The following WHRN variants were observed in gnomAD, a reference collection of about 807,000 sequenced individuals.
WHRN encodes the protein CASK-interacting protein CIP98.
WHRN carries 41 observed loss-of-function variants against 68.3 expected under a neutral mutation model. The observed-to-expected ratio is 0.60, with a 90% confidence interval of 0.47 to 0.78. The LOEUF (loss-of-function observed/expected upper bound fraction) is 0.78. Among genes scored for constraint, WHRN ranks in the 30% least tolerant of loss-of-function variants. The probability of loss-of-function intolerance (pLI) is 0.00; values close to 1 mark genes in which losing one functional copy is unlikely to be tolerated. For missense variants in WHRN, 1,243 were observed against 1,244.7 expected, an observed-to-expected ratio of 1.00 and a Z score of 0.02; for synonymous variants, 560 against 561.3, an observed-to-expected ratio of 1.00 and a Z score of 0.03.
At position 114,460,721 on chromosome 9, in the gene WHRN, G is replaced by A. The variant is rs533628956; in HGVS notation, c.963+5546C>T. On this transcript the variant is annotated intron_variant, in intron 3 of 11. Transcript: ENST00000362057. ...GGGCAGTGCCGTCCTGACATCCCCC[G>A]CCCCAGACTCAAACCAGGCCCTTCA... Among the ~76,000 whole-genome samples, 4 of 152,226 alleles carry A rather than the reference G, an allele frequency of 2.6e-5. No individual in the cohort carries two copies. The East Asian group carries it at 5.8e-4, about 22-fold the overall frequency.
chr9:114,463,782 G>C (rs1840438918), intron 3 of WHRN, among the ~76,000 whole-genome samples: 2 of 152,154 alleles, frequency 1.3e-5, no homozygotes. Flanking sequence ...CCTGCTAAAA[G>C]CAAAGCAAGC....
At chr9:114,425,346 C>T (rs1260498594) in intron 4 of WHRN, 3 of 604,260 alleles carry the variant, frequency 5.0e-6, no homozygotes, top group Non-Finnish European at 5.9e-6. Flanking sequence ...TGACAGGCAA[C>T]CTCAGGGTCA....
rs575801905 is a variant in WHRN, at chr9:114,456,138, TA to T, written c.963+10128del. Reference sequence around the variant, plus strand: ...TGAGAATGTGTAAAAAAAAAAACTCTAAAAAAAAAAAAACATCTCCAAATGG... The same window carrying T: ...TGAGAATGTGTAAAAAAAAAAACTCTAAAAAAAAAAAACATCTCCAAATGG... On this transcript the variant is annotated intron_variant, in intron 3 of 11. Transcript: ENST00000362057. Among the ~76,000 whole-genome samples the T allele has an allele frequency of 3.3e-3, 173 of 52,780 alleles. 5 individuals are homozygous for T. In the South Asian group the frequency reaches 0.13, roughly 39 times the overall value. The allele number at this position is 52,780 out of a possible 152,430, so 34.6% of individuals were successfully genotyped here. A position where few individuals can be genotyped will look rare whatever the true frequency, so the allele number is the denominator to read the frequency against.
At chr9:114,466,489 A>G in intron 2 of WHRN, 97 bp from the exon 3 acceptor site, 3 of 1,560,340 alleles carry the variant, frequency 1.9e-6, no homozygotes, top group Admixed American at 1.7e-5. Context: ...TGAAGAGCGC[A>G]TCTTATCCGA....
At chr9:114,493,092 G>A (rs530503487) in intron 1 of WHRN, among the ~76,000 whole-genome samples, 11 of 152,262 alleles carry the variant, frequency 7.2e-5, no homozygotes, top group Non-Finnish European at 1.0e-4. Context: ...GCTCACGCCT[G>A]TAATCCCAGT....
In WHRN at chr9:114,426,345, C is replaced by T. The variant is rs1836858360; in HGVS notation, c.1032G>A (p.Arg344=). 6.2e-7 allele frequency: 1 copy of T among 1,614,100 alleles called. No homozygotes were observed. The highest frequency in any genetic ancestry group is 1.1e-5 in the South Asian group (1 of 91,086). ...TGAGGTGCCGAGATGACTTAAGCAGCCTGACAGCCTCGTCGTGTAGGATGT... is the reference window on the plus strand; with the variant it reads ...TGAGGTGCCGAGATGACTTAAGCAGTCTGACAGCCTCGTCGTGTAGGATGT... ...FLNILHDEAV[R]LLKSSRHLIL... is the part of the protein sequence containing the mutation. The change falls in exon 4 of 12, where the codon AGG becomes AGA. Residue 344 remains arginine, a synonymous_variant. Coordinates refer to ENST00000362057, the MANE Select transcript of WHRN (RefSeq NM_015404.4).
Position 114,413,780 on chromosome 9 carries a change from A to C in WHRN, c.1627-5762T>G, listed in dbSNP as rs147022926. Among the ~76,000 whole-genome samples, 422 of 152,254 alleles carry C rather than the reference A, an allele frequency of 2.8e-3. 2 individuals carry two copies. The highest frequency in any genetic ancestry group is 9.9e-3 in the African/African-American group (410 of 41,524). ...TATCATATTTGACCACCAAATCACA[A>C]CATTAGGGAGCTCTCTGGGAAGCTT... On this transcript the variant is annotated intron_variant, in intron 7 of 11. Coordinates refer to ENST00000362057, the MANE Select transcript of WHRN (RefSeq NM_015404.4).
intron 3 of WHRN, among the ~76,000 whole-genome samples, chr9:114,434,162 C>T (rs562474142): frequency 1.4e-4 from 21 of 152,276 alleles, no homozygotes; most frequent in African/African-American, 4.8e-4. Flanking sequence ...CTTGCTTAGG[C>T]CAGCTACCTT....
At position 114,426,272 on chromosome 9, in the gene WHRN, C is replaced by T; in HGVS notation, c.1105G>A (p.Val369Met). The T allele has an allele frequency of 3.1e-6, 5 of 1,613,248 alleles. No homozygotes were observed. In the South Asian group the frequency reaches 5.5e-5, roughly 18 times the overall value. Residue 369 changes from valine (V) to methionine (M), a missense_variant, in exon 4 of 12, where the codon GTG becomes ATG. Val to Met is a conservative substitution (Grantham distance 21). Coordinates refer to ENST00000362057, the MANE Select transcript of WHRN (RefSeq NM_015404.4). ...VGRLPHARTT[V>M]DETKWIASSR... ...CTGGCGATCCACTTGGTCTCGTCCA[C>T]AGTGGTGCGGGCATGGGGCAGCCTC...
rs1835028037 is a variant in WHRN at position 114,406,387 on chromosome 9, A to AC, written c.2203dup (p.Val735GlyfsTer3). ...CTGGGGCAGCGCCCTCACTTCATTG[A>AC]CGTCTGGCTCGCTGTCGGGGCGGTG... On this transcript the variant is annotated frameshift_variant, in exon 9 of 12. Coordinates refer to ENST00000362057, the MANE Select transcript of WHRN (RefSeq NM_015404.4). LOFTEE classifies it high-confidence loss of function. 6.2e-7 allele frequency: 1 copy of AC among 1,613,930 alleles called. No individual in the cohort carries two copies.
rs1837241547 is a variant in WHRN, at chr9:114,429,752, CT to C, written c.964-3340del. Among the ~76,000 whole-genome samples, 7 of 152,316 alleles carry C rather than the reference CT, an allele frequency of 4.6e-5. No individual in the cohort carries two copies. In the South Asian group the frequency reaches 1.4e-3, roughly 32 times the overall value. ...GCCCTTCCCTATCTCGCCTCTGCAG[CT>C]CCCTCCTCCCCTCTCTCTCCCAGCT... On this transcript the variant is annotated intron_variant, in intron 3 of 11. Transcript: ENST00000362057.
chr9:114,408,078 G>C, intron 7 of WHRN, 60 bp from the exon 8 acceptor site: 2 of 1,422,230 alleles, frequency 1.4e-6, no homozygotes, highest in South Asian at 2.4e-5. Flanking sequence ...ACACTGGTTT[G>C]TTCTCCAGCA....
At chr9:114,489,297 T>G (rs955180913) in intron 1 of WHRN, among the ~76,000 whole-genome samples, 10 of 152,316 alleles carry the variant, frequency 6.6e-5, no homozygotes, top group African/African-American at 2.4e-4. Flanking sequence ...TGCTTTCTTC[T>G]TGGAATTGAA....
intron 2 of WHRN, among the ~76,000 whole-genome samples, chr9:114,472,681 T>A (rs997237834): frequency 2.0e-5 from 3 of 152,190 alleles, no homozygotes; most frequent in Non-Finnish European, 2.9e-5. Context: ...TCTTTGTCTG[T>A]TCACTGCTGT....
rs777908643 is a variant in WHRN, at chr9:114,424,416, T to C, written c.1334A>G (p.Tyr445Cys). ...GCTGCCACCACGGTACTCATCCAGG[T>C]AGTAGGCCATGGTGGCGTGTTCCTG... ...NEQEHATMAY[Y>C]LDEYRGGSVS... The change falls in exon 6 of 12, where the codon TAC (tyrosine) becomes TGC (cysteine). Residue 445 changes from tyrosine (Y) to cysteine (C), a missense_variant. By Grantham distance (194) the Tyr-to-Cys change is radical (BLOSUM62 -2). Transcript: ENST00000362057. The C allele has an allele frequency of 3.7e-6, 6 of 1,613,168 alleles. No individual in the cohort carries two copies. The highest frequency in any genetic ancestry group is 5.1e-6 in the Non-Finnish European group (6 of 1,179,994).
chr9:114,431,376 A>G (rs1837406947), intron 3 of WHRN, among the ~76,000 whole-genome samples: 1 of 152,240 alleles, frequency 6.6e-6, no homozygotes, highest in African/African-American at 2.4e-5. Context: ...TACAGGAGAC[A>G]GGTTCAGAGA....
Position 114,406,759 on chromosome 9 carries a change from G to T in WHRN, c.1832C>A (p.Ser611Tyr). ...AGTGCCCGAGCAGGAAGGCATGGAG[G>T]AAGGTGGCTGGAGGTCCTCTCTCCC... is the stretch of plus-strand genomic sequence containing the variant. ...KLGREDLQPPSSMPSCSGTVF... is the reference protein window; with the variant it reads ...KLGREDLQPPYSMPSCSGTVF... The change falls in exon 9 of 12, where the codon TCC (serine) becomes TAC (tyrosine). Residue 611 changes from serine (S) to tyrosine (Y), a missense_variant. Coordinates refer to ENST00000362057, the MANE Select transcript of WHRN (RefSeq NM_015404.4). The T allele has an allele frequency of 6.2e-7, 1 of 1,614,164 alleles. No individual in the cohort carries two copies. The highest frequency in any genetic ancestry group is 8.5e-7 in the Non-Finnish European group (1 of 1,179,998).
At chr9:114,459,057 C>T (rs1372934113) in intron 3 of WHRN, among the ~76,000 whole-genome samples, 1 of 152,212 alleles carries the variant, frequency 6.6e-6, no homozygotes, top group Non-Finnish European at 1.5e-5. Context: ...CAGAACCTCC[C>T]TTGGGCAGGG....
Position 114,480,084 on chromosome 9 carries a change from TA to T in WHRN, c.619-1314del, listed in dbSNP as rs113073044. Among the ~76,000 whole-genome samples, 138 of 151,296 alleles carry T rather than the reference TA, an allele frequency of 9.1e-4. 4 individuals carry two copies. Among genetic ancestry groups the T allele is most frequent in the African/African-American group, 3.0e-3 (124 of 41,236 alleles). ...TCTCAAAAAAATAGTAATAATTAATTAAAAAAAAAGAAGTTCCTTTTTTATA... is the reference window on the plus strand; with the variant it reads ...TCTCAAAAAAATAGTAATAATTAATTAAAAAAAAGAAGTTCCTTTTTTATA... On this transcript the variant is annotated intron_variant, in intron 1 of 11. Coordinates refer to ENST00000362057, the MANE Select transcript of WHRN (RefSeq NM_015404.4).
Sources: allele counts gnomAD v4.1 joint callset (sites outside exome capture counted in the v4.1 genomes callset), GRCh38; gene constraint gnomAD v4.1.1; transcripts MANE v1.5; gene names NCBI Gene and HGNC (gene_info 2026-07-23, HGNC 2026-07-21).